HEPH: variants seen among roughly 807,000 people sequenced by gnomAD.
HEPH encodes the protein hephaestin.
Under a neutral mutation model 80.8 loss-of-function variants are expected in HEPH, and 69 were observed. The observed-to-expected ratio is 0.85, with a 90% CI of 0.70 to 1.04. The LOEUF (loss-of-function observed/expected upper bound fraction) is 1.04. Among genes scored for constraint, HEPH ranks in the 50% least tolerant of loss-of-function variants. The pLI is 0.00. For missense variants in HEPH, 1,115 were observed against 891.3 expected (o/e 1.25, Z -3.20); for synonymous variants, 431 against 322.8 (o/e 1.34, Z -3.60).
intron 5 of HEPH, 148 bp downstream of exon 5, chrX:66,188,689 A>G (rs1321918449): frequency 2.2e-6 from 1 of 452,573 alleles, no homozygotes; most frequent in Non-Finnish European, 3.7e-6. Flanking sequence ...TCCCTGTTTT[A>G]CATGTGAGGA....
chrX:66,222,369 TG>T (rs2089689680), intron 15 of HEPH, among the ~76,000 whole-genome samples: 1 of 112,131 alleles, frequency 8.9e-6, no homozygotes, highest in African/African-American at 3.2e-5. Flanking sequence ...ACCACCTTAG[TG>T]GAAAGGGGAC....
chrX:66,234,637 G>T lies in HEPH; in HGVS notation c.2564-20398G>T, dbSNP rs368339689. On this transcript the variant is annotated intron_variant, in intron 15 of 20. Coordinates refer to ENST00000343002, the MANE Select transcript of HEPH (RefSeq NM_001367233.3). ...TGGGTATGAGATGTTATCTCATGTG[G>T]TTTTGATTTTTTTTTTTTAGAGGTA... Among the ~76,000 whole-genome samples, 108 of 102,910 alleles carry T rather than the reference G, an allele frequency of 1.0e-3. 2 individuals are homozygous for T. The highest frequency in any genetic ancestry group is 3.5e-3 in the African/African-American group (103 of 29,271). 89.4% of individuals were successfully genotyped at this position (102,910 alleles called of 115,157 possible).
intron 6 of HEPH, 99 bp downstream of exon 6, chrX:66,190,037 C>T: frequency 1.2e-6 from 1 of 863,028 alleles, no homozygotes; most frequent in African/African-American, 2.1e-5. Context: ...ATAAGTCCTC[C>T]AGTTGAGGCA....
rs758891404 is a variant in HEPH at position 66,193,482 on chromosome X, T to C, written c.1233-20T>C. The C allele has an allele frequency of 9.0e-7, 1 of 1,108,006 alleles. No individual in the cohort carries two copies. Among genetic ancestry groups the C allele is most frequent in the East Asian group, 3.1e-5 (1 of 32,558 alleles). 91.3% of individuals were successfully genotyped at this position (1,108,006 alleles called of 1,213,427 possible). ...TGATACCTAATGAAATAATATCATA[T>C]TTTCCTTTTTATACATCAGTATCTC... On this transcript the variant is annotated intron_variant, in intron 7 of 20. Transcript: ENST00000343002.
intron 1 of HEPH, among the ~76,000 whole-genome samples, chrX:66,165,730 C>A (rs1451231459): frequency 2.7e-5 from 3 of 111,942 alleles, no homozygotes; most frequent in Admixed American, 9.5e-5. Context: ...TATATCTTAA[C>A]TAAACTATCC....
chrX:66,178,313 A>G (rs956882234), intron 4 of HEPH, among the ~76,000 whole-genome samples: 1 of 112,501 alleles, frequency 8.9e-6, no homozygotes. Flanking sequence ...CATGGTGTAT[A>G]TGTGCCACAT....
At position 66,266,689 on chromosome X, in the gene HEPH, A is replaced by T. The variant is rs1196848708; in HGVS notation, c.*17A>T. ...AAACAGTAACATCTGGAGCCTGGAG[A>T]TATCCTCAGGAAGCACATCTGTAGT... On this transcript the variant is annotated 3_prime_UTR_variant, in exon 21 of 21. Transcript: ENST00000343002. 1 of 1,129,613 alleles carries T rather than the reference A, an allele frequency of 8.9e-7. No individual in the cohort carries two copies. The highest frequency in any genetic ancestry group is 3.0e-5 in the East Asian group (1 of 33,143). 93.1% of individuals were successfully genotyped at this position (1,129,613 alleles called of 1,213,427 possible). A position where few individuals can be genotyped will look rare whatever the true frequency, so the allele number is the denominator to read the frequency against.
chrX:66,240,797 A>C (rs1602486116), intron 15 of HEPH, among the ~76,000 whole-genome samples: 1 of 112,305 alleles, frequency 8.9e-6, no homozygotes, highest in African/African-American at 3.2e-5. Flanking sequence ...ATGAGGATTC[A>C]TTCCCTACAT....
rs1474173060 is a variant in HEPH, at chrX:66,172,296, G to A, written c.168-59G>A. 1.4e-5 allele frequency: 16 copies of A among 1,110,335 alleles called. No individual in the cohort carries two copies. In the East Asian group the frequency reaches 4.6e-4, roughly 32 times the overall value. The allele number at this position is 1,110,335 out of a possible 1,213,427, so 91.5% of individuals were successfully genotyped here. A position where few individuals can be genotyped will look rare whatever the true frequency, so the allele number is the denominator to read the frequency against. On this transcript the variant is annotated intron_variant, in intron 2 of 20. Coordinates refer to ENST00000343002, the MANE Select transcript of HEPH (RefSeq NM_001367233.3). Reference sequence around the variant, plus strand: ...TTTTGGTCAGTATCCTCTGGAAAAGGAACCTCTCAAGGCTTGAAGATGGGG... The same window carrying A: ...TTTTGGTCAGTATCCTCTGGAAAAGAAACCTCTCAAGGCTTGAAGATGGGG...
At chrX:66,228,908 G>A (rs1039797562) in intron 15 of HEPH, among the ~76,000 whole-genome samples, 1 of 112,122 alleles carries the variant, frequency 8.9e-6, no homozygotes, top group Admixed American at 9.5e-5. Flanking sequence ...TGGTGAAAAG[G>A]GCACACTTTT....
chrX:66,256,566 T>TA (rs2091190670), intron 17 of HEPH, among the ~76,000 whole-genome samples: 1 of 111,924 alleles, frequency 8.9e-6, no homozygotes, highest in Admixed American at 9.5e-5. Context: ...GTTGACTCTG[T>TA]AAATTGCCAT....
chrX:66,217,777 C>T (rs1000409312), intron 15 of HEPH, among the ~76,000 whole-genome samples: 5 of 111,755 alleles, frequency 4.5e-5, no homozygotes, highest in African/African-American at 1.6e-4. Flanking sequence ...TAAGTATCTA[C>T]TGTCTTCAAG....
intron 2 of HEPH, chrX:66,171,386 A>G (rs1389407684): frequency 1.3e-5 from 2 of 149,177 alleles, no homozygotes; most frequent in Non-Finnish European, 2.6e-5. Flanking sequence ...CTCGATAATG[A>G]GAATGTAAAC....
intron 15 of HEPH, among the ~76,000 whole-genome samples, chrX:66,254,122 G>C (rs910103467): frequency 5.4e-5 from 6 of 111,753 alleles, no homozygotes; most frequent in African/African-American, 1.9e-4. Flanking sequence ...TGTTAGAAAA[G>C]ATTAATATAG....
In HEPH at chrX:66,263,587, A is replaced by C. The variant is rs376948190; in HGVS notation, c.3200-57A>C. 9.7e-5 allele frequency: 113 copies of C among 1,164,762 alleles called. No individual in the cohort carries two copies. In the African/African-American group the frequency reaches 1.8e-3, roughly 18 times the overall value. ...AATGTTGACCTTTCATAGGGGGCCT[A>C]TGGATTGGTAGGAAGAACAATAAGG... is the stretch of plus-strand genomic sequence containing the variant. On this transcript the variant is annotated intron_variant, in intron 19 of 20. Coordinates refer to ENST00000343002, the MANE Select transcript of HEPH (RefSeq NM_001367233.3).
chrX:66,173,080 A>G (rs1195951844), intron 3 of HEPH, among the ~76,000 whole-genome samples: 2 of 112,275 alleles, frequency 1.8e-5, no homozygotes, highest in Non-Finnish European at 3.8e-5. Context: ...TAAGAGGAAT[A>G]GAAAGGGAAG....
chrX:66,257,300 G>C lies in HEPH; in HGVS notation c.2896+970G>C, dbSNP rs1323249351. On this transcript the variant is annotated intron_variant, in intron 17 of 20. Coordinates refer to ENST00000343002, the MANE Select transcript of HEPH (RefSeq NM_001367233.3). ...GGCTAATGCTTACTTTCTTCTGTTT[G>C]TTTATGTGTCTATCCACACTCTTCA... Among the ~76,000 whole-genome samples the C allele has an allele frequency of 3.6e-5, 4 of 111,434 alleles. No individual in the cohort carries two copies. In the East Asian group the frequency reaches 1.1e-3, roughly 31 times the overall value.
intron 15 of HEPH, among the ~76,000 whole-genome samples, chrX:66,214,979 T>A (rs1320115763): frequency 9.0e-6 from 1 of 111,715 alleles, no homozygotes; most frequent in Non-Finnish European, 1.9e-5. Context: ...TCCATATAGA[T>A]TTTAGAGTAA....
At chrX:66,189,989 TG>T in intron 6 of HEPH, 51 bp downstream of exon 6, 4 of 1,107,277 alleles carry the variant, frequency 3.6e-6, no homozygotes, top group Middle Eastern at 5.0e-4. Context: ...GGTATGATAA[TG>T]GTCAAGGGAG....
Sources: allele counts gnomAD v4.1 joint callset (sites outside exome capture counted in the v4.1 genomes callset), GRCh38; gene constraint gnomAD v4.1.1; transcripts MANE v1.5; gene names NCBI Gene and HGNC (gene_info 2026-07-23, HGNC 2026-07-21).